Variants in TERB1 observed in about 807,000 individuals in gnomAD.
The protein encoded by TERB1 is telomere repeat binding bouquet formation protein 1, also known as telomere repeats-binding bouquet formation protein 1.
In TERB1, 63 loss-of-function variants were observed where a neutral mutation model predicts 92.3. The ratio of observed to expected loss-of-function variants is 0.68; its 90% CI spans 0.56 to 0.84. The LOEUF is 0.84. Among genes scored for constraint, TERB1 ranks in the 40% least tolerant of loss-of-function variants. TERB1 has a pLI of 0.00. For synonymous variants in TERB1, 252 were observed against 283.9 expected, an observed-to-expected ratio of 0.89 and a Z score of 1.13; for missense variants, 709 against 843.7, an observed-to-expected ratio of 0.84 and a Z score of 1.98.
Position 66,788,293 on chromosome 16 carries a change from G to A in TERB1, c.276C>T (p.Tyr92=). 2 of 1,483,268 alleles carry A rather than the reference G, an allele frequency of 1.3e-6. No homozygotes were observed. The highest frequency in any genetic ancestry group is 1.8e-6 in the Non-Finnish European group (2 of 1,121,968). The allele number at this position is 1,483,268 out of a possible 1,614,324, so 91.9% of individuals were successfully genotyped here. A position where few individuals can be genotyped will look rare whatever the true frequency, so the allele number is the denominator to read the frequency against. The change falls in exon 6 of 19, where the codon TAC becomes TAT. Residue 92 remains tyrosine (Y), a synonymous_variant. Transcript: ENST00000433154. ...TLGAIAEKNV[Y]CQQTLCTSEL... ...CTGAAGTACACAAAGTCTGCTGACA[G>A]TAAACTGAAATATAAAATATAATTT...
intron 11 of TERB1, among the ~76,000 whole-genome samples, chr16:66,775,932 G>A (rs563042397): frequency 4.6e-5 from 7 of 151,754 alleles, no homozygotes; most frequent in Non-Finnish European, 1.0e-4. Context: ...AGCTGGTCTT[G>A]AACTCCTGAC....
intron 9 of TERB1, among the ~76,000 whole-genome samples, chr16:66,785,460 T>G (rs1480993130): frequency 6.6e-6 from 1 of 152,192 alleles, no homozygotes; most frequent in Non-Finnish European, 1.5e-5. Flanking sequence ...TTTGGGGCTT[T>G]TCTAGATGTT....
chr16:66,761,767 T>G (rs1375902554), intron 16 of TERB1, among the ~76,000 whole-genome samples: 1 of 151,294 alleles, frequency 6.6e-6, no homozygotes, highest in African/African-American at 2.4e-5. Context: ...AATAAGACCC[T>G]GTCTCAAAAA....
chr16:66,756,655 A>G (rs1469817251), intron 18 of TERB1, among the ~76,000 whole-genome samples: 1 of 152,192 alleles, frequency 6.6e-6, no homozygotes, highest in Non-Finnish European at 1.5e-5. Flanking sequence ...ATTGGTTACT[A>G]TAACTTTCAG....
chr16:66,781,120 T>C (rs934787040), intron 9 of TERB1, among the ~76,000 whole-genome samples: 3 of 152,186 alleles, frequency 2.0e-5, no homozygotes, highest in Non-Finnish European at 4.4e-5. Flanking sequence ...AGCGTGATCG[T>C]GGCTTACTGT....
chr16:66,774,869 T>C (rs186083500), intron 12 of TERB1, among the ~76,000 whole-genome samples: 3 of 151,756 alleles, frequency 2.0e-5, no homozygotes, highest in Non-Finnish European at 4.4e-5. Flanking sequence ...TCTATATATA[T>C]ATTTTTTTAT....
intron 3 of TERB1, among the ~76,000 whole-genome samples, chr16:66,791,656 G>A (rs905183603): frequency 2.0e-5 from 3 of 152,040 alleles, no homozygotes; most frequent in Admixed American, 6.6e-5. Flanking sequence ...ACAGATATTC[G>A]GAAGATATTA....
At chr16:66,777,440 AT>A in intron 10 of TERB1, 106 bp from the exon 11 acceptor site, 1 of 597,930 alleles carries the variant, frequency 1.7e-6, no homozygotes, top group Non-Finnish European at 2.7e-6. Flanking sequence ...TTATATATCT[AT>A]ATAAAATTAA....
intron 18 of TERB1, 144 bp downstream of exon 18, chr16:66,758,629 T>C: frequency 3.7e-6 from 2 of 547,048 alleles, no homozygotes; most frequent in Non-Finnish European, 6.4e-6. Context: ...TAATCCCAGC[T>C]ACTTAGGAGG....
intron 12 of TERB1, among the ~76,000 whole-genome samples, chr16:66,773,458 C>T (rs1367420196): frequency 2.0e-5 from 3 of 152,140 alleles, no homozygotes; most frequent in African/African-American, 7.2e-5. Context: ...TCATCATGGA[C>T]ACTGCCCTCT....
At chr16:66,777,724 G>C (rs2018571844) in intron 10 of TERB1, among the ~76,000 whole-genome samples, 1 of 152,118 alleles carries the variant, frequency 6.6e-6, no homozygotes, top group African/African-American at 2.4e-5. Context: ...GGATAGTAAA[G>C]ACTTTCCTAC....
intron 16 of TERB1, among the ~76,000 whole-genome samples, chr16:66,759,797 C>CAAAAAA (rs762588462): frequency 3.2e-5 from 1 of 30,790 alleles, no homozygotes; most frequent in Non-Finnish European, 6.9e-5. Context: ...GACTCTGTCT[C>CAAAAAA]AAAAAAAAAA....
intron 16 of TERB1, among the ~76,000 whole-genome samples, chr16:66,763,348 G>T (rs540671303): frequency 6.6e-6 from 1 of 152,218 alleles, no homozygotes; most frequent in Admixed American, 6.5e-5. Context: ...ACTTACTGAA[G>T]ATACTAGGTC....
intron 6 of TERB1, among the ~76,000 whole-genome samples, chr16:66,787,255 C>T (rs1019895607): frequency 1.3e-4 from 19 of 151,662 alleles, no homozygotes; most frequent in African/African-American, 4.1e-4. Flanking sequence ...TGTGCCACCA[C>T]ACCCAGTTAA....
intron 9 of TERB1, among the ~76,000 whole-genome samples, chr16:66,781,282 C>A (rs1274174734): frequency 6.6e-6 from 1 of 152,140 alleles, no homozygotes; most frequent in Non-Finnish European, 1.5e-5. Context: ...GTCTCAAACT[C>A]CTGGGCTCAA....
chr16:66,761,767 T>C (rs1375902554), intron 16 of TERB1, among the ~76,000 whole-genome samples: 1 of 151,294 alleles, frequency 6.6e-6, no homozygotes, highest in Admixed American at 6.6e-5. Context: ...AATAAGACCC[T>C]GTCTCAAAAA....
intron 3 of TERB1, 101 bp downstream of exon 3, chr16:66,796,667 G>T: frequency 1.2e-6 from 1 of 865,998 alleles, no homozygotes; most frequent in African/African-American, 1.7e-5. Context: ...TTATGTAAAT[G>T]GCTGAATGAT....
rs1159359296 is a variant in TERB1, at chr16:66,758,821, G to T, written c.1948C>A (p.Arg650Ser). The T allele has an allele frequency of 5.2e-6, 8 of 1,534,670 alleles. No individual in the cohort carries two copies. Among genetic ancestry groups the T allele is most frequent in the South Asian group, 1.2e-5 (1 of 81,670 alleles). The change falls in exon 18 of 19, where the codon CGT (arginine) becomes AGT (serine). Residue 650 changes from arginine (R) to serine (S), a missense_variant. Arg to Ser is a moderately radical substitution (Grantham distance 110, BLOSUM62 -1). Transcript: ENST00000433154. ...TCATTACTGAGTCGTTGTCTTCTAC[G>T]TGGGGTCAGCAGAATTTCTGAAAAA... Reference protein sequence around the residue: ...ICNKKILLTPRRRQRLSNEST... With the variant: ...ICNKKILLTPSRRQRLSNEST...
In TERB1 at chr16:66,759,179, T is replaced by G. The variant is rs1485173952; in HGVS notation, c.1892A>C (p.Tyr631Ser). The change falls in exon 17 of 19, where the codon TAT becomes TCT. Residue 631 changes from tyrosine to serine, a missense_variant. Physicochemically the swap from Tyr to Ser is moderately radical, Grantham distance 144 (BLOSUM62 -2). Coordinates refer to ENST00000433154, the MANE Select transcript of TERB1 (RefSeq NM_001136505.2). ...AAGTGATTTCCTTAGTTCACTTTTA[T>G]ATCTGTCTTCAGCTTCCACAATGAC... ...HKVIVEAEDR[Y>S]KSELRKSLIC... 1.3e-6 allele frequency: 2 copies of G among 1,549,626 alleles called. No individual in the cohort carries two copies. Among genetic ancestry groups the G allele is most frequent in the African/African-American group, 2.7e-5 (2 of 73,000 alleles).
Sources: gnomAD v4.1 joint callset for allele counts (sites outside exome capture counted in the v4.1 genomes callset) on GRCh38, gnomAD v4.1.1 for gene constraint, MANE v1.5 for transcripts, NCBI Gene and HGNC (gene_info 2026-07-23, HGNC 2026-07-21) for gene names.